The following DIPK1A variants were observed in gnomAD, a reference collection of about 807,000 sequenced individuals.
DIPK1A encodes the protein family with sequence similarity 69 member A.
DIPK1A carries 27 observed loss-of-function variants against 40.8 expected under a neutral mutation model. That is an observed-to-expected ratio of 0.66 (90% confidence interval 0.49 to 0.91). The LOEUF is 0.91. Ranked by LOEUF, DIPK1A falls within the 40% of genes least tolerant of loss-of-function variation. The probability of loss-of-function intolerance (pLI) is 0.00; values close to 1 mark genes in which losing one functional copy is unlikely to be tolerated. For synonymous variants in DIPK1A, 166 were observed against 171.3 expected (o/e 0.97, Z 0.24); for missense variants, 412 against 505.7 (o/e 0.81, Z 1.78).
At chr1:92,897,284 A>G (rs1423253974) in intron 1 of DIPK1A, among the ~76,000 whole-genome samples, 1 of 152,248 alleles carries the variant, frequency 6.6e-6, no homozygotes, top group East Asian at 1.9e-4. Flanking sequence ...GACTGGATTA[A>G]GAAAATGTGG....
At chr1:92,891,712 T>C (rs927292140) in intron 1 of DIPK1A, among the ~76,000 whole-genome samples, 1 of 152,108 alleles carries the variant, frequency 6.6e-6, no homozygotes, top group Admixed American at 6.5e-5. Context: ...GGGTGAGGCA[T>C]TGCCTCACCC....
chr1:92,904,642 A>AT (rs1023551363), intron 1 of DIPK1A, among the ~76,000 whole-genome samples: 2 of 151,962 alleles, frequency 1.3e-5, no homozygotes, highest in African/African-American at 4.8e-5. Context: ...TCAAGCATTT[A>AT]TTTTTTCTTT....
At chr1:92,846,151 G>A (rs11164826) in intron 4 of DIPK1A, 56,466 of 153,252 alleles carry the variant, frequency 0.37, 12,211 homozygotes, top group East Asian at 0.72. Context: ...CAGGCCCTGC[G>A]CCTTGTCTGT....
chr1:92,850,721 C>G (rs1687791820), intron 3 of DIPK1A, 127 bp downstream of exon 3: 1 of 618,106 alleles, frequency 1.6e-6, no homozygotes, highest in Non-Finnish European at 2.9e-6. Context: ...TGAATCAAAG[C>G]ATACAAAATT....
In DIPK1A at chr1:92,875,835, C is replaced by A. The variant is rs578054441; in HGVS notation, c.189+461G>T. Among the ~76,000 whole-genome samples the A allele has an allele frequency of 1.5e-4, 23 of 151,642 alleles. No individual in the cohort carries two copies. The East Asian group carries it at 4.4e-3, about 29-fold the overall frequency. ...AATGATCACTACTAGAAATCTTAGA[C>A]TGATACAGTCATTTTTCTGAGATAC... On this transcript the variant is annotated intron_variant, in intron 2 of 4. Coordinates refer to ENST00000370310, the MANE Select transcript of DIPK1A (RefSeq NM_001006605.5).
intron 1 of DIPK1A, among the ~76,000 whole-genome samples, chr1:92,906,702 G>A (rs1211706505): frequency 6.6e-6 from 1 of 152,160 alleles, no homozygotes; most frequent in Non-Finnish European, 1.5e-5. Flanking sequence ...AGTATGTGGG[G>A]CCTGGTAGTG....
chr1:92,851,561 A>C (rs1347968657), intron 2 of DIPK1A, among the ~76,000 whole-genome samples: 2 of 93,036 alleles, frequency 2.1e-5, no homozygotes, highest in African/African-American at 3.4e-5. Flanking sequence ...AAAAAAAAAA[A>C]ACTTCTGGTT....
chr1:92,934,171 C>T (rs148498239), intron 1 of DIPK1A: 1 of 152,284 alleles, frequency 6.6e-6, no homozygotes, highest in East Asian at 1.9e-4. Flanking sequence ...GGCATTTTAA[C>T]TAAATGCAAC....
intron 1 of DIPK1A, among the ~76,000 whole-genome samples, chr1:92,937,936 A>G (rs1360209940): frequency 6.6e-6 from 1 of 152,242 alleles, no homozygotes; most frequent in East Asian, 1.9e-4. Context: ...AGCTAACTAC[A>G]GATTAACCTT....
downstream of DIPK1A, chr1:92,840,405 T>A: frequency 1.5e-6 from 1 of 678,550 alleles, no homozygotes; most frequent in African/African-American, 1.8e-5. Context: ...GTGAGTTACA[T>A]TTAGAAGTTA....
At chr1:92,841,127 TAA>T (rs1288200804), downstream of DIPK1A, among the ~76,000 whole-genome samples, 2 of 152,210 alleles carry the variant, frequency 1.3e-5, no homozygotes, top group East Asian at 3.8e-4. Flanking sequence ...GCAATAGAAC[TAA>T]AAACAAAATC....
chr1:92,957,654 T>C (rs1651905854), intron 1 of DIPK1A, among the ~76,000 whole-genome samples: 1 of 152,226 alleles, frequency 6.6e-6, no homozygotes, highest in Non-Finnish European at 1.5e-5. Context: ...TGGTGGAATC[T>C]GCAGCAAAAG....
chr1:92,931,674 T>C (rs977055641), intron 1 of DIPK1A: 3 of 162,198 alleles, frequency 1.8e-5, no homozygotes, highest in Admixed American at 6.5e-5. Flanking sequence ...AATGATATGG[T>C]TGACTGTGAG....
chr1:92,868,020 A>G lies in DIPK1A; in HGVS notation c.189+8276T>C, dbSNP rs17131665. On this transcript the variant is annotated intron_variant, in intron 2 of 4. Coordinates refer to ENST00000370310, the MANE Select transcript of DIPK1A (RefSeq NM_001006605.5). ...GACTTGAGAACCTTCTCTATGTTCA[A>G]CGGATATGTCAGAGCATCAATCAGT... 1.4e-3 allele frequency among the ~76,000 whole-genome samples: 212 copies of G among 152,348 alleles called. 5 individuals carry two copies. The East Asian group carries it at 0.036, about 26-fold the overall frequency.
At chr1:92,878,611 G>A (rs564640133) in intron 1 of DIPK1A, among the ~76,000 whole-genome samples, 1 of 152,130 alleles carries the variant, frequency 6.6e-6, no homozygotes, top group Non-Finnish European at 1.5e-5. Context: ...ACGAGGTCAG[G>A]AGATCGAGAC....
At chr1:92,940,102 T>C (rs1651096399) in intron 1 of DIPK1A, among the ~76,000 whole-genome samples, 1 of 152,140 alleles carries the variant, frequency 6.6e-6, no homozygotes, top group African/African-American at 2.4e-5. Flanking sequence ...CAAGCATATA[T>C]AGAGATTTTC....
intron 1 of DIPK1A, 115 bp downstream of exon 1, chr1:92,961,261 T>G: frequency 3.3e-6 from 2 of 601,494 alleles, no homozygotes; most frequent in South Asian, 4.0e-5. Context: ...GGCAGCGGGG[T>G]TCGGGCGGGC....
chr1:92,881,059 G>C (rs1356975046), intron 1 of DIPK1A, among the ~76,000 whole-genome samples: 1 of 149,652 alleles, frequency 6.7e-6, no homozygotes, highest in Non-Finnish European at 1.5e-5. Context: ...TGTAATCACA[G>C]CTACTCGGGA....
In DIPK1A at chr1:92,921,020, A is replaced by G. The variant is rs116826861; in HGVS notation, c.54+40356T>C. ...TGGCCACCCACAGAGTAGTCTAGAGAATTGTAGTCAAAGGCAAACTTGAGC... is the reference window on the plus strand; with the variant it reads ...TGGCCACCCACAGAGTAGTCTAGAGGATTGTAGTCAAAGGCAAACTTGAGC... On this transcript the variant is annotated intron_variant, in intron 1 of 4. Coordinates refer to ENST00000370310, the MANE Select transcript of DIPK1A (RefSeq NM_001006605.5). Among the ~76,000 whole-genome samples, 198 of 152,194 alleles carry G rather than the reference A, an allele frequency of 1.3e-3. 2 individuals are homozygous for G. The highest frequency in any genetic ancestry group is 4.6e-3 in the African/African-American group (191 of 41,508).
Sources: gnomAD v4.1 joint callset for allele counts (sites outside exome capture counted in the v4.1 genomes callset) on GRCh38, gnomAD v4.1.1 for gene constraint, MANE v1.5 for transcripts, NCBI Gene and HGNC (gene_info 2026-07-23, HGNC 2026-07-21) for gene names.